SLC22A14: variants seen among roughly 807,000 people sequenced by gnomAD.
SLC22A14 encodes solute carrier family 22 member 14, also known as organic cation transporter-like 4.
SLC22A14 carries 50 observed loss-of-function variants against 53.9 expected under a neutral mutation model. The ratio of observed to expected loss-of-function variants is 0.93; its 90% CI spans 0.74 to 1.17. SLC22A14 has a LOEUF of 1.17. Among genes scored for constraint, SLC22A14 ranks in the 50% most tolerant of loss-of-function variants. SLC22A14 has a pLI of 0.00. For missense variants in SLC22A14, 671 were observed against 734.7 expected, an observed-to-expected ratio of 0.91 and a Z score of 1.00; for synonymous variants, 312 against 303.0, an observed-to-expected ratio of 1.03 and a Z score of -0.31.
intron 1 of SLC22A14, among the ~76,000 whole-genome samples, chr3:38,293,729 C>T (rs1014419424): frequency 6.6e-6 from 1 of 152,192 alleles, no homozygotes; most frequent in Non-Finnish European, 1.5e-5. Flanking sequence ...TCTGCGGCAC[C>T]AATTTCCATG....
At chr3:38,314,571 C>T (rs1704570969) in intron 8 of SLC22A14, among the ~76,000 whole-genome samples, 1 of 152,208 alleles carries the variant, frequency 6.6e-6, no homozygotes, top group Admixed American at 6.5e-5. Context: ...AGAGCTGGAG[C>T]GATCTGTGCA....
chr3:38,284,596 G>T (rs565164059), intron 1 of SLC22A14, among the ~76,000 whole-genome samples: 1 of 152,186 alleles, frequency 6.6e-6, no homozygotes, highest in Non-Finnish European at 1.5e-5. Context: ...GGAGGCCTCC[G>T]CTAATCATTA....
intron 1 of SLC22A14, among the ~76,000 whole-genome samples, chr3:38,288,805 A>C (rs987127618): frequency 4.6e-5 from 7 of 152,192 alleles, no homozygotes; most frequent in Admixed American, 2.0e-4. Flanking sequence ...CCTAATCTAT[A>C]TTTCAATATT....
intron 7 of SLC22A14, 32 bp from the exon 8 acceptor site, chr3:38,313,695 T>TGTGTGTGTGTGTGCGC: frequency 7.5e-7 from 1 of 1,339,472 alleles, no homozygotes. Context: ...TGCGCGCGTG[T>TGTGTGTGTGTGTGCGC]GCACGCGCAC....
intron 5 of SLC22A14, among the ~76,000 whole-genome samples, chr3:38,311,910 G>A (rs917144231): frequency 6.6e-6 from 1 of 152,138 alleles, no homozygotes; most frequent in Non-Finnish European, 1.5e-5. Context: ...TCTTATTCCT[G>A]TTTTTTCAGT....
intron 1 of SLC22A14, among the ~76,000 whole-genome samples, chr3:38,296,950 G>A (rs1459717541): frequency 1.3e-5 from 2 of 152,218 alleles, no homozygotes; most frequent in Admixed American, 6.5e-5. Context: ...AGTGGTGGAC[G>A]GCGAGTGAAA....
chr3:38,306,981 C>T (rs1317634385), intron 2 of SLC22A14, among the ~76,000 whole-genome samples: 1 of 152,228 alleles, frequency 6.6e-6, no homozygotes, highest in Non-Finnish European at 1.5e-5. Context: ...AGGGTCTGCA[C>T]TGATTCCTGC....
upstream of SLC22A14, among the ~76,000 whole-genome samples, chr3:38,279,776 G>C (rs1416581096): frequency 6.6e-6 from 1 of 152,076 alleles, no homozygotes; most frequent in African/African-American, 2.4e-5. Flanking sequence ...CAGCTTCACT[G>C]GACCCTGGTT....
upstream of SLC22A14, among the ~76,000 whole-genome samples, chr3:38,279,828 G>A (rs571680149): frequency 3.3e-5 from 5 of 152,118 alleles, no homozygotes; most frequent in Non-Finnish European, 5.9e-5. Context: ...TACGGCAATG[G>A]TGACTATCAG....
chr3:38,300,841 A>G (rs1704142740), intron 1 of SLC22A14, among the ~76,000 whole-genome samples: 1 of 152,150 alleles, frequency 6.6e-6, no homozygotes, highest in African/African-American at 2.4e-5. Context: ...AAGCATGCCA[A>G]ACACTCTTCT....
upstream of SLC22A14, among the ~76,000 whole-genome samples, chr3:38,279,042 A>G (rs76029232): frequency 0.052 from 7,859 of 152,066 alleles, 275 homozygotes; most frequent in Middle Eastern, 0.13. Flanking sequence ...TCTCACAGGC[A>G]CCCCAGCTTG....
intron 1 of SLC22A14, among the ~76,000 whole-genome samples, chr3:38,300,401 C>T (rs950204905): frequency 6.6e-6 from 1 of 152,150 alleles, no homozygotes; most frequent in African/African-American, 2.4e-5. Flanking sequence ...GATCACACCA[C>T]TGCACTCCAG....
chr3:38,280,997 C>T (rs957429136), upstream of SLC22A14, among the ~76,000 whole-genome samples: 3 of 152,222 alleles, frequency 2.0e-5, no homozygotes, highest in Admixed American at 2.0e-4. Flanking sequence ...GCTCTTCAGT[C>T]TCACTGATGG....
At chr3:38,282,421 C>G (rs1703690171) in intron 1 of SLC22A14, 82 bp downstream of exon 1, 1 of 152,332 alleles carries the variant, frequency 6.6e-6, no homozygotes, top group Non-Finnish European at 1.5e-5. Context: ...TATGATGACC[C>G]CTGGCAATTT....
intron 1 of SLC22A14, among the ~76,000 whole-genome samples, chr3:38,292,858 A>G (rs1178642737): frequency 6.6e-6 from 1 of 152,180 alleles, no homozygotes; most frequent in African/African-American, 2.4e-5. Context: ...TTAGAAAATC[A>G]TGTGAAAAGA....
chr3:38,293,250 GT>G (rs1487525608), intron 1 of SLC22A14, among the ~76,000 whole-genome samples: 6 of 152,148 alleles, frequency 3.9e-5, no homozygotes, highest in Non-Finnish European at 7.4e-5. Context: ...TTTTTAAAGT[GT>G]TCTTGTAGAC....
chr3:38,313,677 C>CGTGTGTGTGTGTGTGT (rs764626285), intron 7 of SLC22A14, 50 bp from the exon 8 acceptor site: 5 of 762,540 alleles, frequency 6.6e-6, no homozygotes, highest in South Asian at 1.7e-5. Context: ...TTCCTGGCTC[C>CGTGTGTGTGTGTGTGT]GTGTGTGTGC....
intron 1 of SLC22A14, among the ~76,000 whole-genome samples, chr3:38,295,786 G>GTCTC (rs1258258282): frequency 6.9e-6 from 1 of 144,072 alleles, no homozygotes; most frequent in African/African-American, 2.6e-5. Context: ...GTCTCTGTCT[G>GTCTC]TCTCTCTCTC....
Position 38,318,382 on chromosome 3 carries a change from G to A in SLC22A14, c.*133G>A. 1 of 836,060 alleles carries A rather than the reference G, an allele frequency of 1.2e-6. No homozygotes were observed. The highest frequency in any genetic ancestry group is 2.0e-6 in the Non-Finnish European group (1 of 494,298). 51.8% of individuals were successfully genotyped at this position (836,060 alleles called of 1,614,324 possible). On this transcript the variant is annotated 3_prime_UTR_variant, in exon 11 of 11. Coordinates refer to ENST00000448498, the MANE Select transcript of SLC22A14 (RefSeq NM_001320033.2). ...AGGCTCCCTGAGGGCCAGGCCCCCA[G>A]ACCATCTTGGGTTGGAATTGAGTGG...
Sources: gnomAD v4.1 joint callset for allele counts (sites outside exome capture counted in the v4.1 genomes callset) on GRCh38, gnomAD v4.1.1 for gene constraint, MANE v1.5 for transcripts, NCBI Gene and HGNC (gene_info 2026-07-23, HGNC 2026-07-21) for gene names.